HIPK3: variants seen among roughly 807,000 people sequenced by gnomAD.
The protein encoded by HIPK3 is homeodomain-interacting protein kinase 3.
HIPK3 carries 47 observed loss-of-function variants against 124.2 expected under a neutral mutation model. The observed-to-expected ratio is 0.38, with a 90% CI of 0.30 to 0.48. The LOEUF (loss-of-function observed/expected upper bound fraction) is 0.48. HIPK3 is among the 20% of genes least tolerant of loss of function. The pLI, the probability that HIPK3 is intolerant of heterozygous loss-of-function variation, is 0.98. For missense variants in HIPK3, 1,286 were observed against 1,454.3 expected (o/e 0.88, Z 1.88); for synonymous variants, 482 against 515.2 (o/e 0.94, Z 0.87).
chr11:33,351,714 G>T lies in HIPK3; in HGVS notation c.2914G>T (p.Asp972Tyr). The T allele has an allele frequency of 6.2e-7, 1 of 1,614,140 alleles. No homozygotes were observed. The highest frequency in any genetic ancestry group is 8.5e-7 in the Non-Finnish European group (1 of 1,180,006). The change falls in exon 15 of 17, where the codon GAC becomes TAC. Residue 972 changes from aspartate (D) to tyrosine (Y), a missense_variant. Transcript: ENST00000303296. ...ATTTGCAGAGAGCACTTTTGTGGAG[G>T]ACACTCATGAAAACACAGAATTGGT... The part of the protein sequence containing the change: ...SPFAESTFVE[D>Y]THENTELVSS...
intron 1 of HIPK3, chr11:33,258,585 G>T: frequency 2.0e-6 from 2 of 985,308 alleles, no homozygotes; most frequent in East Asian, 1.1e-4. Flanking sequence ...CTCTCGTTAC[G>T]GTGGCTGCCG....
intron 1 of HIPK3, among the ~76,000 whole-genome samples, chr11:33,262,981 C>A (rs1850865395): frequency 6.6e-6 from 1 of 152,072 alleles, no homozygotes; most frequent in African/African-American, 2.4e-5. Flanking sequence ...ACCATGTCTG[C>A]TAACTTTTTC....
chr11:33,353,935 C>A lies in HIPK3; in HGVS notation c.*367C>A. 1 of 230,938 alleles carries A rather than the reference C, an allele frequency of 4.3e-6. No individual in the cohort carries two copies. Among genetic ancestry groups the A allele is most frequent in the South Asian group, 6.6e-5 (1 of 15,188 alleles). The allele number at this position is 230,938 out of a possible 1,614,324, so 14.3% of individuals were successfully genotyped here. A position where few individuals can be genotyped will look rare whatever the true frequency, so the allele number is the denominator to read the frequency against. On this transcript the variant is annotated 3_prime_UTR_variant, in exon 17 of 17. Coordinates refer to ENST00000303296, the MANE Select transcript of HIPK3 (RefSeq NM_005734.5). ...AGATGCACATATGTCAGAATTACAG[C>A]ATACAAGTGAATTGTATTATCCGTG...
intron 14 of HIPK3, among the ~76,000 whole-genome samples, chr11:33,350,886 T>G (rs769304462): frequency 1.3e-5 from 2 of 152,166 alleles, no homozygotes; most frequent in South Asian, 4.1e-4. Flanking sequence ...GTTTGAAAAT[T>G]GATAATGTAC....
chr11:33,278,849 A>C (rs904273601), intron 1 of HIPK3, among the ~76,000 whole-genome samples: 11 of 151,852 alleles, frequency 7.2e-5, no homozygotes, highest in Non-Finnish European at 1.2e-4. Flanking sequence ...GTCTCAAAAA[A>C]GGAAAAAAAA....
chr11:33,267,522 G>A (rs1045749011), intron 1 of HIPK3, among the ~76,000 whole-genome samples: 2 of 151,424 alleles, frequency 1.3e-5, no homozygotes, highest in African/African-American at 4.9e-5. Flanking sequence ...TTGAGACGGA[G>A]TCTCGCTCTG....
At chr11:33,268,439 C>A (rs1034524329) in intron 1 of HIPK3, among the ~76,000 whole-genome samples, 2 of 151,278 alleles carry the variant, frequency 1.3e-5, no homozygotes, top group Middle Eastern at 6.8e-3. Context: ...ATAAAAAATA[C>A]AATTACCTGA....
chr11:33,260,673 C>T (rs556457946), intron 1 of HIPK3, among the ~76,000 whole-genome samples: 2 of 152,246 alleles, frequency 1.3e-5, no homozygotes, highest in Admixed American at 1.3e-4. Context: ...CCATTGGAAC[C>T]TCACATTTAA....
At chr11:33,288,627 G>GAT (rs1851618975) in intron 2 of HIPK3, among the ~76,000 whole-genome samples, 1 of 152,166 alleles carries the variant, frequency 6.6e-6, no homozygotes, top group African/African-American at 2.4e-5. Context: ...TGTAAGTATT[G>GAT]ATAAAGTGCT....
intron 2 of HIPK3, among the ~76,000 whole-genome samples, chr11:33,302,342 C>CTTTTTTTTTTTTTTTTTTTTTT (rs58735030): frequency 1.5e-5 from 2 of 135,704 alleles, no homozygotes; most frequent in Non-Finnish European, 3.1e-5. Flanking sequence ...TTCCTTACTT[C>CTTTTTTTTTTTTTTTTTTTTTT]TTTTTTTTTT....
At chr11:33,331,731 G>T (rs1351873904) in intron 3 of HIPK3, among the ~76,000 whole-genome samples, 1 of 152,066 alleles carries the variant, frequency 6.6e-6, no homozygotes, top group Non-Finnish European at 1.5e-5. Context: ...AGTGCAGTGG[G>T]CAATAGTAAT....
intron 2 of HIPK3, among the ~76,000 whole-genome samples, chr11:33,325,459 A>G (rs904514887): frequency 6.6e-6 from 1 of 152,204 alleles, no homozygotes. Context: ...TCAGATTAGT[A>G]TATGGTTAAC....
intron 2 of HIPK3, among the ~76,000 whole-genome samples, chr11:33,327,786 A>G (rs957908788): frequency 6.6e-6 from 1 of 152,208 alleles, no homozygotes; most frequent in Non-Finnish European, 1.5e-5. Flanking sequence ...CTTCTTTGGA[A>G]TTACACAGCT....
intron 2 of HIPK3, among the ~76,000 whole-genome samples, chr11:33,321,297 A>G (rs1852656089): frequency 6.6e-6 from 1 of 152,200 alleles, no homozygotes; most frequent in Admixed American, 6.5e-5. Flanking sequence ...AATGAGTTCA[A>G]GATGGGGGTG....
chr11:33,275,680 G>A (rs1254595005), intron 1 of HIPK3, among the ~76,000 whole-genome samples: 1 of 152,114 alleles, frequency 6.6e-6, no homozygotes, highest in Non-Finnish European at 1.5e-5. Context: ...GTCCTTTGAA[G>A]AATGAAAAGC....
intron 2 of HIPK3, among the ~76,000 whole-genome samples, chr11:33,315,692 A>G (rs934147234): frequency 2.0e-5 from 3 of 152,162 alleles, no homozygotes; most frequent in African/African-American, 7.2e-5. Context: ...AATATTAGCT[A>G]TTGATCAGTC....
chr11:33,285,661 A>G (rs994835011), intron 1 of HIPK3, among the ~76,000 whole-genome samples: 1 of 151,908 alleles, frequency 6.6e-6, no homozygotes, highest in Non-Finnish European at 1.5e-5. Context: ...TTTAAGAAAT[A>G]TGGCTATAAA....
intron 2 of HIPK3, among the ~76,000 whole-genome samples, chr11:33,296,077 C>T (rs544190767): frequency 4.6e-5 from 7 of 152,154 alleles, no homozygotes; most frequent in African/African-American, 1.7e-4. Context: ...TTTTTTCCCC[C>T]TCCCTTCCTT....
In HIPK3 at chr11:33,352,268, A is replaced by G. The variant is rs755578777; in HGVS notation, c.3171+3A>G. The G allele has an allele frequency of 2.3e-5, 37 of 1,613,718 alleles. No individual in the cohort carries two copies. Among genetic ancestry groups the G allele is most frequent in the East Asian group, 4.5e-5 (2 of 44,860 alleles). ...AGCAGCATTTGAACTTCAGTCAGGT[A>G]TGTTCATTTGTGGATATGTAGGAGT... is the stretch of plus-strand genomic sequence containing the variant. On this transcript the variant is annotated splice_donor_region_variant and intron_variant, in intron 16 of 16. Transcript: ENST00000303296.
Sources: gnomAD v4.1 joint callset for allele counts (sites outside exome capture counted in the v4.1 genomes callset) on GRCh38, gnomAD v4.1.1 for gene constraint, MANE v1.5 for transcripts, NCBI Gene and HGNC (gene_info 2026-07-23, HGNC 2026-07-21) for gene names.